Variants in RASGRF1 observed in about 807,000 individuals in gnomAD.
RASGRF1 encodes the protein ras-specific guanine nucleotide-releasing factor 1.
A neutral mutation model predicts 138.7 loss-of-function variants in RASGRF1; 40 were observed. The ratio of observed to expected loss-of-function variants is 0.29; its 90% CI spans 0.22 to 0.38. The LOEUF is 0.38. RASGRF1 is among the 10% of genes least tolerant of loss of function. The pLI is 1.00. For missense variants in RASGRF1, 1,108 were observed against 1,650.4 expected, an observed-to-expected ratio of 0.67 and a Z score of 5.69; for synonymous variants, 614 against 663.2, an observed-to-expected ratio of 0.93 and a Z score of 1.14.
At chr15:79,025,816 C>G (rs2140989818) in intron 9 of RASGRF1, among the ~76,000 whole-genome samples, 1 of 152,086 alleles carries the variant, frequency 6.6e-6, no homozygotes, top group South Asian at 2.1e-4. Context: ...AAGTGGGGAG[C>G]TGGCTGCAGG....
At chr15:79,056,049 G>GAGCA (rs1469715834) in intron 3 of RASGRF1, among the ~76,000 whole-genome samples, 1 of 152,168 alleles carries the variant, frequency 6.6e-6, no homozygotes, top group Non-Finnish European at 1.5e-5. Context: ...AGACAGCAGG[G>GAGCA]AGCACCCTCT....
chr15:79,077,965 C>T (rs2057860457), intron 1 of RASGRF1, among the ~76,000 whole-genome samples: 1 of 152,158 alleles, frequency 6.6e-6, no homozygotes, highest in Non-Finnish European at 1.5e-5. Context: ...CACCCCTTAC[C>T]AGGTCCCACT....
intron 7 of RASGRF1, among the ~76,000 whole-genome samples, 196 bp from the exon 8 acceptor site, chr15:79,031,705 A>C (rs1293102771): frequency 5.1e-5 from 7 of 136,106 alleles, no homozygotes; most frequent in Non-Finnish European, 6.2e-5. Flanking sequence ...AGAGAGAGAG[A>C]GAGAGCGCGT....
chr15:79,077,822 C>G (rs992601906), intron 1 of RASGRF1, among the ~76,000 whole-genome samples: 4 of 151,764 alleles, frequency 2.6e-5, no homozygotes, highest in Non-Finnish European at 5.9e-5. Flanking sequence ...CCTCTGATCT[C>G]CTTGCCCCCT....
At chr15:78,990,992 T>G (rs201867498) in intron 21 of RASGRF1, among the ~76,000 whole-genome samples, 4 of 152,208 alleles carry the variant, frequency 2.6e-5, no homozygotes, top group Non-Finnish European at 5.9e-5. Context: ...AGCCCCACAA[T>G]GATTCAAATC....
intron 22 of RASGRF1, among the ~76,000 whole-genome samples, chr15:78,989,205 G>A (rs2056221152): frequency 6.6e-6 from 1 of 152,214 alleles, no homozygotes; most frequent in African/African-American, 2.4e-5. Context: ...GATTCTGGGA[G>A]CTGGGGGTGT....
chr15:78,982,168 A>G (rs943141046), intron 23 of RASGRF1, among the ~76,000 whole-genome samples: 7 of 152,196 alleles, frequency 4.6e-5, no homozygotes, highest in African/African-American at 1.7e-4. Context: ...CCCTAAGGCA[A>G]TACTAGCTCA....
At chr15:78,984,044 C>T in intron 23 of RASGRF1, among the ~76,000 whole-genome samples, 1 of 152,038 alleles carries the variant, frequency 6.6e-6, no homozygotes, top group East Asian at 1.9e-4. Flanking sequence ...ATGTCGTCTG[C>T]TTGGTGGGTG....
chr15:79,021,540 C>A (rs1207814095), intron 10 of RASGRF1, among the ~76,000 whole-genome samples: 1 of 152,248 alleles, frequency 6.6e-6, no homozygotes, highest in Non-Finnish European at 1.5e-5. Flanking sequence ...TTCTTACAGT[C>A]ATTTTAAATC....
intron 2 of RASGRF1, among the ~76,000 whole-genome samples, chr15:79,060,991 G>A (rs1157500057): frequency 2.0e-5 from 3 of 152,122 alleles, no homozygotes; most frequent in Admixed American, 2.0e-4. Context: ...GACTTTAAAA[G>A]CGGGGAGTTT....
intron 1 of RASGRF1, among the ~76,000 whole-genome samples, chr15:79,078,828 T>A (rs1032772694): frequency 3.9e-5 from 6 of 152,256 alleles, no homozygotes; most frequent in African/African-American, 1.2e-4. Flanking sequence ...TCCCAGTCTT[T>A]AAGGCCTAAG....
At chr15:79,079,563 G>A (rs959055870) in intron 1 of RASGRF1, among the ~76,000 whole-genome samples, 1 of 151,916 alleles carries the variant, frequency 6.6e-6, no homozygotes, top group Non-Finnish European at 1.5e-5. Flanking sequence ...ACAAAATAGT[G>A]AGAAAAACAT....
chr15:79,057,325 G>A (rs1014884574), intron 3 of RASGRF1, among the ~76,000 whole-genome samples: 1 of 152,260 alleles, frequency 6.6e-6, no homozygotes, highest in East Asian at 1.9e-4. Context: ...AGTCAGGGCA[G>A]GGGAGGCTAC....
chr15:79,058,509 G>A (rs2057541096), intron 2 of RASGRF1, 28 bp from the exon 3 acceptor site: 1 of 1,610,408 alleles, frequency 6.2e-7, no homozygotes, highest in Non-Finnish European at 8.5e-7. Context: ...TGGCAGGTAA[G>A]ATGCTGACTC....
intron 1 of RASGRF1, 35 bp from the exon 2 acceptor site, chr15:79,064,561 G>C (rs375213164): frequency 2.4e-5 from 38 of 1,591,440 alleles, no homozygotes; most frequent in Non-Finnish European, 3.2e-5. Context: ...AATTACCAGA[G>C]TGTCCATGGG....
intron 1 of RASGRF1, among the ~76,000 whole-genome samples, chr15:79,088,053 C>T (rs2058005330): frequency 6.6e-6 from 1 of 152,172 alleles, no homozygotes; most frequent in South Asian, 2.1e-4. Flanking sequence ...TGATCTACTG[C>T]TAGGATGATT....
At chr15:78,975,228 T>C (rs1027098559) in intron 24 of RASGRF1, among the ~76,000 whole-genome samples, 12 of 152,208 alleles carry the variant, frequency 7.9e-5, no homozygotes, top group African/African-American at 2.9e-4. Flanking sequence ...CCATCTCTAT[T>C]TAATTGAAAA....
intron 26 of RASGRF1, among the ~76,000 whole-genome samples, chr15:78,962,874 TTAAAATAAAA>T (rs201117187): frequency 3.3e-5 from 5 of 152,072 alleles, no homozygotes; most frequent in South Asian, 2.1e-4. Context: ...AGACCTTGTC[TTAAAATAAAA>T]TAAAATAAAA....
chr15:79,049,760 C>A (rs1218215444), intron 3 of RASGRF1, among the ~76,000 whole-genome samples, 172 bp from the exon 4 acceptor site: 1 of 152,110 alleles, frequency 6.6e-6, no homozygotes, highest in African/African-American at 2.4e-5. Flanking sequence ...GGTCATGGAA[C>A]CAGACAGGCC....
Sources: allele counts gnomAD v4.1 joint callset (sites outside exome capture counted in the v4.1 genomes callset), GRCh38; gene constraint gnomAD v4.1.1; transcripts MANE v1.5; gene names NCBI Gene and HGNC (gene_info 2026-07-23, HGNC 2026-07-21).